ZCCHC7: variants seen among roughly 807,000 people sequenced by gnomAD.
The protein encoded by ZCCHC7 is zinc finger CCHC-type containing 7.
Under a neutral mutation model 52.0 loss-of-function variants are expected in ZCCHC7, and 35 were observed. The observed-to-expected ratio is 0.67, with a 90% CI of 0.51 to 0.89. The LOEUF is 0.89. ZCCHC7 is among the 40% of genes least tolerant of loss of function. The pLI, the probability that ZCCHC7 is intolerant of heterozygous loss-of-function variation, is 0.00. For synonymous variants in ZCCHC7, 217 were observed against 221.5 expected (o/e 0.98, Z 0.18); for missense variants, 574 against 649.1 (o/e 0.88, Z 1.26).
At chr9:37,263,449 A>G (rs1415347218) in intron 2 of ZCCHC7, among the ~76,000 whole-genome samples, 23 of 151,976 alleles carry the variant, frequency 1.5e-4, no homozygotes, top group Non-Finnish European at 1.5e-5. Context: ...TGCTATTTCT[A>G]TTAAGATTCC....
At chr9:37,290,651 C>A (rs1418569303) in intron 2 of ZCCHC7, among the ~76,000 whole-genome samples, 2 of 152,064 alleles carry the variant, frequency 1.3e-5, no homozygotes, top group Non-Finnish European at 2.9e-5. Flanking sequence ...CAGAGTGAGA[C>A]TCTGTCTCCA....
chr9:37,140,240 T>G (rs1396268606), intron 2 of ZCCHC7, among the ~76,000 whole-genome samples: 2 of 151,946 alleles, frequency 1.3e-5, no homozygotes, highest in Non-Finnish European at 2.9e-5. Context: ...TTCCTACTTT[T>G]AAGGAGGATT....
chr9:37,302,208 T>G lies in ZCCHC7; in HGVS notation c.631T>G (p.Ser211Ala). The change falls in exon 3 of 9, where the codon TCC (serine) becomes GCC (alanine). Residue 211 changes from serine (S) to alanine (A), a missense_variant. Physicochemically the swap from Ser to Ala is moderately conservative, Grantham distance 99. Coordinates refer to ENST00000336755, the MANE Select transcript of ZCCHC7 (RefSeq NM_032226.3). Reference sequence around the variant, plus strand: ...TGTAGGAGAAGATGGTATAAACTGGTCCATCAGTGACAAAGACATTGAGGT... The same window carrying G: ...TGTAGGAGAAGATGGTATAAACTGGGCCATCAGTGACAAAGACATTGAGGT... ...VTEGEDGINW[S>A]ISDKDIEAQI... 2 of 1,609,100 alleles carry G rather than the reference T, an allele frequency of 1.2e-6. No homozygotes were observed. Among genetic ancestry groups the G allele is most frequent in the Non-Finnish European group, 1.7e-6 (2 of 1,177,278 alleles).
intron 5 of ZCCHC7, among the ~76,000 whole-genome samples, chr9:37,320,003 G>A (rs1375143656): frequency 6.6e-6 from 1 of 152,114 alleles, no homozygotes; most frequent in Non-Finnish European, 1.5e-5. Context: ...ATGTCTTGTT[G>A]CCAATGCCAT....
At chr9:37,301,690 A>G (rs899540525) in intron 2 of ZCCHC7, among the ~76,000 whole-genome samples, 1 of 152,018 alleles carries the variant, frequency 6.6e-6, no homozygotes, top group Non-Finnish European at 1.5e-5. Flanking sequence ...CATTTACACA[A>G]TTTTTTTGTT....
intron 6 of ZCCHC7, 28 bp downstream of exon 6, chr9:37,327,862 C>T (rs1242774633): frequency 5.0e-6 from 8 of 1,611,226 alleles, no homozygotes; most frequent in African/African-American, 4.0e-5. Flanking sequence ...TTTTATTTTC[C>T]CCAAGACCTA....
chr9:37,268,481 C>T (rs1402364453), intron 2 of ZCCHC7, among the ~76,000 whole-genome samples: 1 of 151,320 alleles, frequency 6.6e-6, no homozygotes, highest in Non-Finnish European at 1.5e-5. Flanking sequence ...GGCTGGAGTG[C>T]AGTGGCGCGA....
rs200266187 is a variant in ZCCHC7 at position 37,126,689 on chromosome 9, T to G, written c.357T>G (p.Leu119=). 1.1e-4 allele frequency: 180 copies of G among 1,613,974 alleles called. No individual in the cohort carries two copies. Among genetic ancestry groups the G allele is most frequent in the East Asian group, 1.8e-4 (8 of 44,888 alleles). The change falls in exon 2 of 9, where the codon CTT becomes CTG. Residue 119 remains leucine (L), a synonymous_variant. Coordinates refer to ENST00000336755, the MANE Select transcript of ZCCHC7 (RefSeq NM_032226.3). The part of the protein sequence containing the change: ...RVQAQENAHG[L]SSSLQSNELV... ...AAGCACAAGAAAATGCCCATGGTCT[T>G]TCTTCTTCTCTTCAATCTAATGAGC...
chr9:37,315,848 G>T (rs1276496685), intron 5 of ZCCHC7, among the ~76,000 whole-genome samples: 1 of 105,058 alleles, frequency 9.5e-6, no homozygotes, highest in African/African-American at 3.6e-5. Flanking sequence ...TAAATGCAAA[G>T]GAAAGGTAAA....
chr9:37,235,635 G>A (rs930416444), intron 2 of ZCCHC7, among the ~76,000 whole-genome samples: 1 of 148,204 alleles, frequency 6.7e-6, no homozygotes, highest in Non-Finnish European at 1.5e-5. Flanking sequence ...TCTGTCGCCA[G>A]GCTGGAGTGC....
chr9:37,282,300 G>T (rs1218711318), intron 2 of ZCCHC7, among the ~76,000 whole-genome samples: 1 of 152,008 alleles, frequency 6.6e-6, no homozygotes, highest in African/African-American at 2.4e-5. Context: ...ATTTCACCAT[G>T]ATTTTTTAAA....
At chr9:37,151,253 A>G (rs1820510382) in intron 2 of ZCCHC7, among the ~76,000 whole-genome samples, 1 of 152,042 alleles carries the variant, frequency 6.6e-6, no homozygotes, top group African/African-American at 2.4e-5. Context: ...GGCGTGAGCC[A>G]CCGTGCCCGA....
At chr9:37,254,833 G>A (rs1032455441) in intron 2 of ZCCHC7, among the ~76,000 whole-genome samples, 1 of 12,412 alleles carries the variant, frequency 8.1e-5, no homozygotes, top group African/African-American at 2.3e-4. Context: ...TGCTCAAAAA[G>A]TTTCTTTTTT....
intron 2 of ZCCHC7, among the ~76,000 whole-genome samples, chr9:37,274,891 C>A (rs1471041794): frequency 6.6e-6 from 1 of 151,866 alleles, no homozygotes; most frequent in Admixed American, 6.6e-5. Context: ...GTCCCAGCAC[C>A]ATTTATTGAA....
intron 2 of ZCCHC7, among the ~76,000 whole-genome samples, chr9:37,242,721 C>G (rs1333195434): frequency 6.6e-6 from 1 of 151,786 alleles, no homozygotes; most frequent in Non-Finnish European, 1.5e-5. Flanking sequence ...AAATCTAGAG[C>G]TTGCTGCCTC....
chr9:37,291,487 A>G (rs1298219968), intron 2 of ZCCHC7, among the ~76,000 whole-genome samples: 1 of 151,998 alleles, frequency 6.6e-6, no homozygotes, highest in African/African-American at 2.4e-5. Context: ...TTTATATTTT[A>G]TGATATTTGT....
chr9:37,154,056 A>G (rs1006146244), intron 2 of ZCCHC7, among the ~76,000 whole-genome samples: 3 of 151,386 alleles, frequency 2.0e-5, no homozygotes, highest in African/African-American at 7.3e-5. Context: ...TGCCCAACTA[A>G]TTTTTTGATT....
intron 2 of ZCCHC7, among the ~76,000 whole-genome samples, chr9:37,143,221 G>T (rs1046010355): frequency 6.6e-6 from 1 of 151,660 alleles, no homozygotes; most frequent in Non-Finnish European, 1.5e-5. Context: ...GGCAGTGGGT[G>T]GAAGATTCTT....
Position 37,354,628 on chromosome 9 carries a change from A to T in ZCCHC7, c.1084-82A>T. ...TACCAGTGACATGGGGCTCATTTCT[A>T]ATTAACATGCTCCAGAATCTTGCAA... On this transcript the variant is annotated intron_variant, in intron 7 of 8. Transcript: ENST00000336755. The surrounding 1 kb of genome is among the most constrained non-coding windows in gnomAD (Gnocchi z 4.0). 1 of 974,880 alleles carries T rather than the reference A, an allele frequency of 1.0e-6. No homozygotes were observed. The highest frequency in any genetic ancestry group is 1.6e-6 in the Non-Finnish European group (1 of 634,220). The allele number at this position is 974,880 out of a possible 1,614,324, so 60.4% of individuals were successfully genotyped here. A position where few individuals can be genotyped will look rare whatever the true frequency, so the allele number is the denominator to read the frequency against.
Sources: allele counts gnomAD v4.1 joint callset (sites outside exome capture counted in the v4.1 genomes callset), GRCh38; gene constraint gnomAD v4.1.1; non-coding constraint Gnocchi (gnomAD v3.1); transcripts MANE v1.5; gene names NCBI Gene and HGNC (gene_info 2026-07-23, HGNC 2026-07-21).